The following KLF12 variants were observed in gnomAD, a reference collection of about 807,000 sequenced individuals.
The protein encoded by KLF12 is Krueppel-like factor 12.
Under a neutral mutation model 37.8 loss-of-function variants are expected in KLF12, and 9 were observed. The observed-to-expected ratio is 0.24, with a 90% confidence interval of 0.14 to 0.42. KLF12 has a LOEUF of 0.42. Among genes scored for constraint, KLF12 ranks in the 10% least tolerant of loss-of-function variants. The pLI is 1.00. For missense variants in KLF12, 411 were observed against 516.0 expected, an observed-to-expected ratio of 0.80 and a Z score of 1.97; for synonymous variants, 208 against 202.1, an observed-to-expected ratio of 1.03 and a Z score of -0.25.
upstream of KLF12, among the ~76,000 whole-genome samples, chr13:74,135,752 G>A (rs907103780): frequency 6.6e-6 from 1 of 152,178 alleles, no homozygotes; most frequent in African/African-American, 2.4e-5. Flanking sequence ...CTGTGGGAAG[G>A]CCGGGAAGGG....
intron 1 of KLF12, among the ~76,000 whole-genome samples, chr13:74,016,801 C>T (rs992275145): frequency 6.6e-6 from 1 of 152,156 alleles, no homozygotes; most frequent in Admixed American, 6.5e-5. Context: ...TTTTTGTGTA[C>T]ATGGTGCACC....
intron 1 of KLF12, among the ~76,000 whole-genome samples, chr13:74,053,824 G>A (rs1873080765): frequency 6.6e-6 from 1 of 152,032 alleles, no homozygotes; most frequent in Non-Finnish European, 1.5e-5. Context: ...TGAGGTGGAG[G>A]GAAAGCAGAA....
In KLF12 at chr13:73,937,414, G is replaced by A. The variant is rs551091875; in HGVS notation, c.123+6567C>T. Among the ~76,000 whole-genome samples, 203 of 152,224 alleles carry A rather than the reference G, an allele frequency of 1.3e-3. 2 individuals carry two copies. Among genetic ancestry groups the A allele is most frequent in the African/African-American group, 4.7e-3 (197 of 41,534 alleles). ...AGGTTAATTTGCCTGAAATCAAAATGCTCAAATCACTCAGAGTATTTAATT... is the reference window on the plus strand; with the variant it reads ...AGGTTAATTTGCCTGAAATCAAAATACTCAAATCACTCAGAGTATTTAATT... On this transcript the variant is annotated intron_variant, in intron 3 of 7. Coordinates refer to ENST00000377669, the MANE Select transcript of KLF12 (RefSeq NM_007249.5).
intron 4 of KLF12, among the ~76,000 whole-genome samples, chr13:73,829,973 G>A (rs1299877457): frequency 1.3e-5 from 2 of 152,160 alleles, no homozygotes; most frequent in African/African-American, 2.4e-5. Context: ...TAAAACTAGT[G>A]TAAATTATGA....
At chr13:74,277,736 G>A in the KLF12 span, among the ~76,000 whole-genome samples, 1 of 152,016 alleles carries the variant, frequency 6.6e-6, no homozygotes, top group East Asian at 1.9e-4. Context: ...TGTTCTTAGG[G>A]CACAAAACTC....
chr13:74,154,411 C>T, the KLF12 span, among the ~76,000 whole-genome samples: 6,092 of 152,140 alleles, frequency 0.04, 163 homozygotes, highest in Middle Eastern at 0.1. Flanking sequence ...CATCTTTGTT[C>T]GATTTTTGTT....
chr13:73,738,062 T>TAC (rs1877601857), intron 6 of KLF12, among the ~76,000 whole-genome samples: 1 of 148,686 alleles, frequency 6.7e-6, no homozygotes, highest in Admixed American at 6.8e-5. Context: ...TGTGTATATA[T>TAC]ATATATACAC....
the KLF12 span, among the ~76,000 whole-genome samples, chr13:74,227,783 A>G: frequency 6.6e-6 from 1 of 152,158 alleles, no homozygotes; most frequent in African/African-American, 2.4e-5. Context: ...TTAAGAAAAT[A>G]ATTCCTTTAG....
chr13:73,927,746 T>C (rs1242454639), intron 3 of KLF12, among the ~76,000 whole-genome samples: 1 of 72,708 alleles, frequency 1.4e-5, no homozygotes, highest in African/African-American at 4.7e-5. Flanking sequence ...CCCGGCTAAA[T>C]TTTTTTTTTT....
At chr13:74,227,501 C>T in the KLF12 span, among the ~76,000 whole-genome samples, 1 of 152,082 alleles carries the variant, frequency 6.6e-6, no homozygotes, top group East Asian at 1.9e-4. Flanking sequence ...ATTGTAAAGT[C>T]ACATATAATA....
At chr13:74,170,409 G>T in the KLF12 span, among the ~76,000 whole-genome samples, 2 of 152,024 alleles carry the variant, frequency 1.3e-5, no homozygotes, top group African/African-American at 4.8e-5. Context: ...CATTATTATC[G>T]TTATAAATTT....
rs1264900429 is a variant in KLF12 at position 73,892,107 on chromosome 13, TA to T, written c.124-45735del. Among the ~76,000 whole-genome samples the T allele has an allele frequency of 2.6e-5, 4 of 152,200 alleles. No individual in the cohort carries two copies. The East Asian group carries it at 7.7e-4, about 29-fold the overall frequency. On this transcript the variant is annotated intron_variant, in intron 3 of 7. Coordinates refer to ENST00000377669, the MANE Select transcript of KLF12 (RefSeq NM_007249.5). ...GCCCAGTTTGTTGTTTTAATGGTAT[TA>T]ACTTATGAATTTCAAGACTCTAGAT...
chr13:73,735,505 G>C (rs1877387020), intron 6 of KLF12, among the ~76,000 whole-genome samples: 1 of 152,156 alleles, frequency 6.6e-6, no homozygotes, highest in Non-Finnish European at 1.5e-5. Flanking sequence ...CTTGAGCCAG[G>C]TCGTGTCAAG....
chr13:74,295,981 A>T, the KLF12 span, among the ~76,000 whole-genome samples: 24 of 145,160 alleles, frequency 1.7e-4, no homozygotes, highest in Non-Finnish European at 2.9e-4. Context: ...GACCAACCAA[A>T]TTTTTTTTTT....
the KLF12 span, among the ~76,000 whole-genome samples, chr13:74,141,947 C>A: frequency 1.3e-5 from 2 of 152,024 alleles, no homozygotes; most frequent in East Asian, 3.9e-4. Context: ...TAGTGAGGCT[C>A]TCTATTGAAT....
At chr13:73,737,003 GT>G (rs904559637) in intron 6 of KLF12, among the ~76,000 whole-genome samples, 1 of 152,072 alleles carries the variant, frequency 6.6e-6, no homozygotes, top group African/African-American at 2.4e-5. Context: ...ATACACTGTG[GT>G]TCTGATGAAA....
At chr13:74,156,304 C>T in the KLF12 span, among the ~76,000 whole-genome samples, 1 of 152,102 alleles carries the variant, frequency 6.6e-6, no homozygotes, top group African/African-American at 2.4e-5. Flanking sequence ...CAATTCATTC[C>T]AGCCATTGGA....
intron 6 of KLF12, among the ~76,000 whole-genome samples, chr13:73,741,203 C>A (rs1406688956): frequency 6.6e-6 from 1 of 152,012 alleles, no homozygotes. Flanking sequence ...GGAGAGAAAA[C>A]CCAAAACCCA....
rs994361363 is a variant in KLF12 at position 74,026,875 on chromosome 13, C to T, written c.-31-31822G>A. On this transcript the variant is annotated intron_variant, in intron 1 of 7. Transcript: ENST00000377669. Reference sequence around the variant, plus strand: ...GCTTCAAGTCGATCAGCTAGTCCCACGGTGAAGTCAGGTGCCCTGATACAG... The same window carrying T: ...GCTTCAAGTCGATCAGCTAGTCCCATGGTGAAGTCAGGTGCCCTGATACAG... 3.3e-5 allele frequency among the ~76,000 whole-genome samples: 5 copies of T among 152,290 alleles called. No individual in the cohort carries two copies. In the East Asian group the frequency reaches 9.6e-4, roughly 29 times the overall value.
Sources: gnomAD v4.1 joint callset for allele counts (sites outside exome capture counted in the v4.1 genomes callset) on GRCh38, gnomAD v4.1.1 for gene constraint, MANE v1.5 for transcripts, NCBI Gene and HGNC (gene_info 2026-07-23, HGNC 2026-07-21) for gene names.